LRRC74B: variants seen among roughly 807,000 people sequenced by gnomAD.
The protein encoded by LRRC74B is leucine-rich repeat-containing protein 74B.
In LRRC74B, 30 loss-of-function variants were observed where a neutral mutation model predicts 16.6. The observed-to-expected ratio is 1.80, with a 90% CI of 1.35 to 2.45. The LOEUF (loss-of-function observed/expected upper bound fraction) is 2.45, where lower values mean the gene tolerates loss of function less well. Among genes scored for constraint, LRRC74B ranks in the 30% most tolerant of loss-of-function variants. The pLI is 0.00. For missense variants in LRRC74B, 326 were observed against 202.4 expected (o/e 1.61, Z -3.71); for synonymous variants, 134 against 86.0 (o/e 1.56, Z -3.09).
At chr22:21,055,387 T>G (rs1175709795) in intron 7 of LRRC74B, among the ~76,000 whole-genome samples, 2 of 152,150 alleles carry the variant, frequency 1.3e-5, no homozygotes, top group African/African-American at 4.8e-5. Context: ...CTTGCTGCCC[T>G]TCCTCCTCTG....
At chr22:21,049,471 T>C (rs2148139611) in intron 4 of LRRC74B, 1 of 306,814 alleles carries the variant, frequency 3.3e-6, no homozygotes, top group East Asian at 6.7e-5. Flanking sequence ...TTATTGGTGC[T>C]ACAAAAGAAA....
chr22:21,051,722 C>G (rs1930065746), intron 4 of LRRC74B, among the ~76,000 whole-genome samples: 1 of 152,230 alleles, frequency 6.6e-6, no homozygotes, highest in Non-Finnish European at 1.5e-5. Flanking sequence ...GCACACAAGG[C>G]CCCTCAGCAT....
intron 7 of LRRC74B, among the ~76,000 whole-genome samples, chr22:21,056,208 C>T (rs1382222445): frequency 1.3e-5 from 2 of 152,190 alleles, no homozygotes; most frequent in Non-Finnish European, 2.9e-5. Context: ...TTGAGTGCAT[C>T]ATGTCATGCG....
exon 3 of LRRC74B, chr22:21,047,890 C>T (rs574379519): frequency 3.1e-4 from 223 of 717,214 alleles, no homozygotes; most frequent in East Asian, 8.6e-4. Flanking sequence ...CCAGGGCGCC[C>T]GGGCTCTGGC....
chr22:21,053,697 C>T (rs745953563), intron 6 of LRRC74B: 15 of 368,454 alleles, frequency 4.1e-5, no homozygotes, highest in African/African-American at 8.3e-5. Flanking sequence ...GATCATGGCC[C>T]ACTGCAGCCT....
chr22:21,045,972 G>A (rs551381614), upstream of LRRC74B: 28 of 717,108 alleles, frequency 3.9e-5, no homozygotes, highest in Non-Finnish European at 6.8e-5. Context: ...CTGAGACTGC[G>A]AGAGGGTCGT....
chr22:21,046,086 G>A (rs9625412), exon 1 of LRRC74B: 2 of 717,372 alleles, frequency 2.8e-6, no homozygotes, highest in African/African-American at 1.7e-5. Flanking sequence ...GGCCGAGCAG[G>A]GTCCCGAGGC....
intron 6 of LRRC74B, among the ~76,000 whole-genome samples, chr22:21,054,470 G>T (rs1930322144): frequency 6.6e-6 from 1 of 152,250 alleles, no homozygotes; most frequent in South Asian, 2.1e-4. Context: ...GGATGCCAGG[G>T]AGGTCACGGG....
intron 4 of LRRC74B, among the ~76,000 whole-genome samples, chr22:21,050,711 G>A (rs1929953703): frequency 6.6e-6 from 1 of 150,380 alleles, no homozygotes; most frequent in Admixed American, 6.7e-5. Context: ...CCAGGAGGCG[G>A]AGCTTGCAGT....
exon 6 of LRRC74B, chr22:21,053,453 G>C: frequency 1.4e-6 from 1 of 717,242 alleles, no homozygotes; most frequent in Non-Finnish European, 2.6e-6. Flanking sequence ...GGCCAACAAC[G>C]TGTTGGAGGA....
At chr22:21,046,187 G>C (rs1196899074) in intron 1 of LRRC74B, 62 bp downstream of exon 1, 1 of 705,726 alleles carries the variant, frequency 1.4e-6, no homozygotes, top group African/African-American at 1.8e-5. Flanking sequence ...CGCAGGGGTT[G>C]GGGGAGGCGG....
At chr22:21,055,516 C>T (rs1930450963) in intron 7 of LRRC74B, among the ~76,000 whole-genome samples, 1 of 152,180 alleles carries the variant, frequency 6.6e-6, no homozygotes. Context: ...GTTCTGTTGG[C>T]CACTGCTCAG....
In LRRC74B at chr22:21,047,879, C is replaced by G. The variant is rs1195563474; in HGVS notation, c.283-5C>G. 1.4e-6 allele frequency: 1 copy of G among 717,068 alleles called. No individual in the cohort carries two copies. Among genetic ancestry groups the G allele is most frequent in the Admixed American group, 2.0e-5 (1 of 49,994 alleles). The allele number at this position is 717,068 out of a possible 1,614,324, so 44.4% of individuals were successfully genotyped here. A position where few individuals can be genotyped will look rare whatever the true frequency, so the allele number is the denominator to read the frequency against. ...TGGCCAGTGTGTTTGCTCTGTCTGT[C>G]CCAGGGCGCCCGGGCTCTGGCTTCC... On this transcript the variant is annotated splice_polypyrimidine_tract_variant and splice_region_variant and intron_variant, in intron 2 of 8. Coordinates refer to ENST00000442047, the Ensembl canonical transcript of LRRC74B.
chr22:21,049,939 G>A (rs557563130), intron 4 of LRRC74B, among the ~76,000 whole-genome samples: 30 of 152,172 alleles, frequency 2.0e-4, no homozygotes, highest in Non-Finnish European at 4.1e-4. Flanking sequence ...GAGACCCTGG[G>A]TTAGGCATGC....
chr22:21,055,057 G>A (rs1165501390), intron 6 of LRRC74B, 41 bp from the exon 7 acceptor site: 8 of 713,872 alleles, frequency 1.1e-5, no homozygotes, highest in Non-Finnish European at 1.8e-5. Flanking sequence ...ACCGCTGCTT[G>A]GAAGGTTGCA....
chr22:21,048,498 T>G (rs1929679748), intron 3 of LRRC74B: 2 of 253,984 alleles, frequency 7.9e-6, no homozygotes, highest in South Asian at 5.7e-5. Context: ...CAAAATACCT[T>G]ATGGGCTTGG....
chr22:21,059,467 C>T (rs1191530409), intron 8 of LRRC74B, among the ~76,000 whole-genome samples: 1 of 152,174 alleles, frequency 6.6e-6, no homozygotes, highest in Non-Finnish European at 1.5e-5. Context: ...GAGGCTGAGG[C>T]AGGAGAATCG....
intron 8 of LRRC74B, among the ~76,000 whole-genome samples, chr22:21,059,335 G>T (rs1165370570): frequency 6.6e-6 from 1 of 152,250 alleles, no homozygotes; most frequent in Non-Finnish European, 1.5e-5. Context: ...AGAGGTTGCA[G>T]TGAGCCGAGA....
intron 1 of LRRC74B, among the ~76,000 whole-genome samples, chr22:21,047,101 AAAAAAG>A (rs1929510199): frequency 6.6e-6 from 1 of 152,138 alleles, no homozygotes; most frequent in South Asian, 2.1e-4. Flanking sequence ...TCGAAAAAAA[AAAAAAG>A]AAAATTTGTC....
Sources: gnomAD v4.1 joint callset for allele counts (sites outside exome capture counted in the v4.1 genomes callset) on GRCh38, gnomAD v4.1.1 for gene constraint, MANE v1.5 for transcripts, NCBI Gene and HGNC (gene_info 2026-07-23, HGNC 2026-07-21) for gene names.